Variants in IRAG2 observed in about 807,000 individuals in gnomAD.
The protein encoded by IRAG2 is inositol 1,4,5-triphosphate receptor associated 2, also known as lymphoid restricted membrane protein.
Under a neutral mutation model 69.9 loss-of-function variants are expected in IRAG2, and 45 were observed. That is an observed-to-expected ratio of 0.64 (90% CI 0.51 to 0.83). The LOEUF (loss-of-function observed/expected upper bound fraction) is 0.83, where lower values mean the gene tolerates loss of function less well. Among genes scored for constraint, IRAG2 ranks in the 40% least tolerant of loss-of-function variants. The pLI is 0.00. For missense variants in IRAG2, 520 were observed against 587.0 expected (o/e 0.89, Z 1.18); for synonymous variants, 193 against 202.4 (o/e 0.95, Z 0.40).
chr12:25,049,190 TTTG>T (rs1346630988), upstream of IRAG2, among the ~76,000 whole-genome samples: 1 of 152,214 alleles, frequency 6.6e-6, no homozygotes, highest in African/African-American at 2.4e-5. Context: ...TGCCTCCAGT[TTTG>T]TTCTCTTTTC....
At chr12:25,004,675 G>A in exon 1 of IRAG2, 1 of 1,232,030 alleles carries the variant, frequency 8.1e-7, no homozygotes, top group East Asian at 3.2e-5. Flanking sequence ...AACATACTCT[G>A]TTATTCTCAC....
intron 21 of IRAG2, 96 bp from the exon 22 acceptor site, chr12:25,107,721 A>G: frequency 8.2e-7 from 1 of 1,222,906 alleles, no homozygotes; most frequent in Non-Finnish European, 1.2e-6. Context: ...TTTTGGGGGT[A>G]TGAAGGGCAG....
At chr12:25,082,503 G>C (rs1947287624) in intron 9 of IRAG2, among the ~76,000 whole-genome samples, 1 of 152,090 alleles carries the variant, frequency 6.6e-6, no homozygotes, top group African/African-American at 2.4e-5. Flanking sequence ...GGGAGGCTGA[G>C]GGGGTAGGAT....
chr12:25,100,470 T>G (rs368807997), intron 15 of IRAG2, among the ~76,000 whole-genome samples: 4 of 152,272 alleles, frequency 2.6e-5, no homozygotes, highest in Admixed American at 2.0e-4. Context: ...ATTCCAGATG[T>G]TTCACTGGGG....
intron 15 of IRAG2, among the ~76,000 whole-genome samples, chr12:25,037,077 G>A (rs897140024): frequency 6.6e-6 from 1 of 152,094 alleles, no homozygotes; most frequent in East Asian, 1.9e-4. Flanking sequence ...TACTATCTCA[G>A]GAACTTGCAG....
intron 20 of IRAG2, among the ~76,000 whole-genome samples, chr12:25,106,288 C>T (rs1240847375): frequency 6.7e-6 from 1 of 149,966 alleles, no homozygotes; most frequent in Admixed American, 6.7e-5. Context: ...CACATACACA[C>T]ACGCACACAC....
Position 25,108,173 on chromosome 12 carries a change from T to G in IRAG2, c.*113T>G. ...AGCATGAAACCAGAGGTTCTCAGAA[T>G]GACTGTAAGATAGCTTACATTTCCT... On this transcript the variant is annotated 3_prime_UTR_variant, in exon 22 of 22. Transcript: ENST00000556887. The G allele has an allele frequency of 8.2e-7, 1 of 1,215,484 alleles. No homozygotes were observed. Among genetic ancestry groups the G allele is most frequent in the Non-Finnish European group, 1.1e-6 (1 of 870,188 alleles). 75.3% of individuals were successfully genotyped at this position (1,215,484 alleles called of 1,614,324 possible).
At chr12:25,052,284 C>T (rs1944898008), upstream of IRAG2, 1 of 391,580 alleles carries the variant, frequency 2.6e-6, no homozygotes, top group Non-Finnish European at 4.4e-6. Context: ...TGCTGTCAAC[C>T]AGGAAGGCAT....
chr12:25,068,328 G>A (rs1249859006), intron 5 of IRAG2, among the ~76,000 whole-genome samples: 3 of 152,188 alleles, frequency 2.0e-5, no homozygotes, highest in African/African-American at 7.2e-5. Context: ...ACATCGGAAA[G>A]GTTTGGAAAT....
rs1289603289 is a variant in IRAG2 at position 25,013,961 on chromosome 12, G to A, written c.897-1221G>A. ...GCAATCTCGGCTCACTGCAAGCTCC[G>A]CCTCCAGGGTTCATGCCATTCTCCT... On this transcript the variant is annotated intron_variant, in intron 3 of 38. Coordinates refer to the IRAG2 transcript ENST00000636465. Among the ~76,000 whole-genome samples the A allele has an allele frequency of 1.0e-4, 13 of 126,086 alleles. 1 individual carries two copies. In the East Asian group the frequency reaches 2.2e-3, roughly 21 times the overall value. 82.7% of individuals were successfully genotyped at this position (126,086 alleles called of 152,430 possible). A position where few individuals can be genotyped will look rare whatever the true frequency, so the allele number is the denominator to read the frequency against.
At chr12:25,080,374 C>T (rs1203819185) in intron 9 of IRAG2, among the ~76,000 whole-genome samples, 3 of 139,210 alleles carry the variant, frequency 2.2e-5, no homozygotes, top group Admixed American at 7.3e-5. Flanking sequence ...TTTTTTGAGA[C>T]GGAGTCTCGT....
intron 6 of IRAG2, among the ~76,000 whole-genome samples, chr12:25,077,209 G>GAT (rs376784693): frequency 0.17 from 5,564 of 33,374 alleles, 779 homozygotes; most frequent in East Asian, 0.38. Context: ...ATATATATAT[G>GAT]ATATATATGA....
chr12:25,070,970 G>A (rs1207998180), intron 6 of IRAG2, among the ~76,000 whole-genome samples: 1 of 152,096 alleles, frequency 6.6e-6, no homozygotes, highest in African/African-American at 2.4e-5. Flanking sequence ...TCATTTTAAA[G>A]ATGGGATTAT....
intron 4 of IRAG2, chr12:25,015,325 C>A: frequency 8.1e-7 from 1 of 1,230,552 alleles, no homozygotes; most frequent in Non-Finnish European, 1.0e-6. Flanking sequence ...GATTTTTTTT[C>A]ATAAAACTCT....
chr12:25,098,633 C>T (rs1231001279), intron 15 of IRAG2, among the ~76,000 whole-genome samples: 1 of 152,226 alleles, frequency 6.6e-6, no homozygotes, highest in Non-Finnish European at 1.5e-5. Flanking sequence ...CCATTTCTAT[C>T]AGCACACAAA....
intron 1 of IRAG2, among the ~76,000 whole-genome samples, chr12:25,057,532 T>C (rs1945343856): frequency 6.6e-6 from 1 of 152,172 alleles, no homozygotes; most frequent in Non-Finnish European, 1.5e-5. Context: ...GTTTTGGGAT[T>C]ACAGGCATGA....
the IRAG2 span, chr12:24,997,705 G>A: frequency 2.4e-4 from 36 of 153,150 alleles, no homozygotes; most frequent in South Asian, 7.2e-3. Flanking sequence ...CCTAACCAGG[G>A]AAAAGCAATA....
chr12:25,039,059 C>T (rs1944726376), intron 16 of IRAG2, among the ~76,000 whole-genome samples: 1 of 152,202 alleles, frequency 6.6e-6, no homozygotes, highest in South Asian at 2.1e-4. Flanking sequence ...AAACCATAAG[C>T]ACAGTGATTA....
upstream of IRAG2, chr12:25,004,281 A>G (rs1472697969): frequency 7.3e-6 from 8 of 1,096,104 alleles, no homozygotes; most frequent in African/African-American, 1.1e-4. Flanking sequence ...ACTTTTAAAC[A>G]TGTATCTACT....
Sources: gnomAD v4.1 joint callset for allele counts (sites outside exome capture counted in the v4.1 genomes callset) on GRCh38, gnomAD v4.1.1 for gene constraint, MANE v1.5 for transcripts, NCBI Gene and HGNC (gene_info 2026-07-23, HGNC 2026-07-21) for gene names.